The following HS1BP3 variants were observed in gnomAD, a reference collection of about 807,000 sequenced individuals.
The protein encoded by HS1BP3 is HCLS1-binding protein 3.
HS1BP3 carries 32 observed loss-of-function variants against 33.5 expected under a neutral mutation model. That is an observed-to-expected ratio of 0.95 (90% confidence interval 0.72 to 1.28). The LOEUF is 1.28. HS1BP3 is among the 50% of genes most tolerant of loss of function. HS1BP3 has a pLI of 0.00. For synonymous variants in HS1BP3, 187 were observed against 209.2 expected (o/e 0.89, Z 0.92); for missense variants, 486 against 502.3 (o/e 0.97, Z 0.31).
At position 20,618,747 on chromosome 2, in the gene HS1BP3, A is replaced by C; in HGVS notation, c.*240T>G. ...TCCCTCCCCTTCATGTCCACGGGGAATAAGACACATTGGGCTCTGGCTCCT... is the reference window on the plus strand; with the variant it reads ...TCCCTCCCCTTCATGTCCACGGGGACTAAGACACATTGGGCTCTGGCTCCT... On this transcript the variant is annotated 3_prime_UTR_variant, in exon 7 of 7. Transcript: ENST00000304031. 4 of 1,332,168 alleles carry C rather than the reference A, an allele frequency of 3.0e-6. No individual in the cohort carries two copies. Among genetic ancestry groups the C allele is most frequent in the Admixed American group, 3.6e-5 (1 of 27,664 alleles). 82.5% of individuals were successfully genotyped at this position (1,332,168 alleles called of 1,614,324 possible). A position where few individuals can be genotyped will look rare whatever the true frequency, so the allele number is the denominator to read the frequency against.
rs140890941 is a variant in HS1BP3, at chr2:20,575,025, G to A, written c.303-14510C>T. On this transcript the variant is annotated intron_variant, in intron 5 of 5. Transcript: ENST00000446825. ...CACAGGAGTGGTTGTTATTACTGGC[G>A]TAAAAAGAACCATTTCCTAGCTCAT... Among the ~76,000 whole-genome samples, 587 of 152,310 alleles carry A rather than the reference G, an allele frequency of 3.9e-3. 3 individuals are homozygous for A. Among genetic ancestry groups the A allele is most frequent in the Middle Eastern group, 0.017 (5 of 294 alleles).
At chr2:20,598,495 T>G (rs1278455190) in intron 2 of HS1BP3, among the ~76,000 whole-genome samples, 1 of 150,762 alleles carries the variant, frequency 6.6e-6, no homozygotes, top group Admixed American at 6.6e-5. Context: ...CTGCTCACCT[T>G]CTGCTGTGCA....
chr2:20,596,647 G>T (rs1693949173), intron 3 of HS1BP3, among the ~76,000 whole-genome samples: 1 of 152,194 alleles, frequency 6.6e-6, no homozygotes, highest in African/African-American at 2.4e-5. Context: ...ATAGCAGCTT[G>T]AAAGGACTAA....
At position 20,648,083 on chromosome 2, in the gene HS1BP3, G is replaced by A. The variant is rs945953323; in HGVS notation, c.33-2578C>T. ...AACCTTCTACCAGGGCAGCGGCTCCGAGGCCCTCCCACCTACTGAAGGACA... is the reference window on the plus strand; with the variant it reads ...AACCTTCTACCAGGGCAGCGGCTCCAAGGCCCTCCCACCTACTGAAGGACA... On this transcript the variant is annotated intron_variant, in intron 1 of 6. Transcript: ENST00000304031. 3.3e-5 allele frequency among the ~76,000 whole-genome samples: 5 copies of A among 152,128 alleles called. No homozygotes were observed. In the South Asian group the frequency reaches 6.2e-4, roughly 19 times the overall value.
At chr2:20,559,528 G>A (rs1572281471), downstream of HS1BP3, among the ~76,000 whole-genome samples, 1 of 152,096 alleles carries the variant, frequency 6.6e-6, no homozygotes, top group Admixed American at 6.5e-5. Flanking sequence ...ATGGGTGGAT[G>A]GATGGATGCA....
intron 5 of HS1BP3, among the ~76,000 whole-genome samples, chr2:20,576,612 T>C (rs7558497): frequency 2.6e-5 from 4 of 152,322 alleles, no homozygotes; most frequent in African/African-American, 9.6e-5. Context: ...CATTGTACTG[T>C]AAAGTGCCTG....
At chr2:20,561,662 C>T (rs778339512) in intron 5 of HS1BP3, among the ~76,000 whole-genome samples, 2 of 152,170 alleles carry the variant, frequency 1.3e-5, no homozygotes, top group African/African-American at 2.4e-5. Flanking sequence ...TCTGCCCCTC[C>T]GTCTCAAAAT....
intron 4 of HS1BP3, chr2:20,637,445 G>A (rs1394617911): frequency 6.6e-6 from 1 of 152,324 alleles, no homozygotes; most frequent in Admixed American, 6.5e-5. Flanking sequence ...GGAGGGCCAG[G>A]AGGAGCGACT....
chr2:20,632,100 C>T (rs867767862), intron 4 of HS1BP3, among the ~76,000 whole-genome samples: 57 of 152,338 alleles, frequency 3.7e-4, no homozygotes, highest in African/African-American at 1.3e-3. Flanking sequence ...AAGGATGCCC[C>T]ACTTCTCATT....
chr2:20,627,412 AG>A (rs1694821746), intron 4 of HS1BP3, among the ~76,000 whole-genome samples: 1 of 152,230 alleles, frequency 6.6e-6, no homozygotes, highest in Non-Finnish European at 1.5e-5. Flanking sequence ...GGGCGCAGAG[AG>A]GGAAGCGAGC....
intron 1 of HS1BP3, among the ~76,000 whole-genome samples, chr2:20,648,799 A>C (rs940885243): frequency 4.0e-5 from 6 of 151,408 alleles, no homozygotes; most frequent in African/African-American, 1.2e-4. Context: ...GCTTCTCAAA[A>C]CTCACCTGTC....
chr2:20,576,931 T>A (rs923650830), intron 5 of HS1BP3, among the ~76,000 whole-genome samples: 4 of 152,220 alleles, frequency 2.6e-5, no homozygotes, highest in African/African-American at 4.8e-5. Context: ...GGCAAACAAA[T>A]GATGGGGAAC....
At chr2:20,648,087 C>T (rs1265707190) in intron 1 of HS1BP3, among the ~76,000 whole-genome samples, 1 of 152,186 alleles carries the variant, frequency 6.6e-6, no homozygotes, top group African/African-American at 2.4e-5. Flanking sequence ...GGCTCCGAGG[C>T]CCTCCCACCT....
intron 5 of HS1BP3, 66 bp downstream of exon 5, chr2:20,624,666 A>C (rs1327465381): frequency 6.1e-6 from 9 of 1,478,348 alleles, no homozygotes; most frequent in African/African-American, 1.4e-5. Context: ...GTGAGTCCAG[A>C]CCCTGCCTGG....
chr2:20,606,552 A>C, intron 2 of HS1BP3: 1 of 486,364 alleles, frequency 2.1e-6, no homozygotes. Flanking sequence ...TCTTTGGAGC[A>C]CTTCTTCTTT....
At position 20,638,693 on chromosome 2, in the gene HS1BP3, C is replaced by T. The variant is rs752535030; in HGVS notation, c.407-41G>A. 4.6e-6 allele frequency: 7 copies of T among 1,526,770 alleles called. No individual in the cohort carries two copies. In the Admixed American group the frequency reaches 1.2e-4, roughly 26 times the overall value. 94.6% of individuals were successfully genotyped at this position (1,526,770 alleles called of 1,614,324 possible). A position where few individuals can be genotyped will look rare whatever the true frequency, so the allele number is the denominator to read the frequency against. On this transcript the variant is annotated intron_variant, in intron 3 of 6. Transcript: ENST00000304031. ...GAAAAGAATGGACTTGGTAACCACC[C>T]CAGAGCCAGGGGAGGCATCTTGCCA...
chr2:20,602,489 T>G (rs16987884), intron 2 of HS1BP3, among the ~76,000 whole-genome samples: 14,928 of 152,090 alleles, frequency 0.098, 1,533 homozygotes, highest in African/African-American at 0.26. Context: ...CATCAAATTA[T>G]TTTTGGAATA....
At chr2:20,558,834 C>T (rs58153547), downstream of HS1BP3, among the ~76,000 whole-genome samples, 6,090 of 152,224 alleles carry the variant, frequency 0.04, 279 homozygotes, top group African/African-American at 0.11. Context: ...CCCATGACCA[C>T]AGAGGGGGTA....
intron 4 of HS1BP3, among the ~76,000 whole-genome samples, chr2:20,629,972 C>T (rs1297816794): frequency 6.6e-6 from 1 of 152,222 alleles, no homozygotes; most frequent in Non-Finnish European, 1.5e-5. Context: ...GCACCATTCC[C>T]AGATGTGCCC....
Sources: gnomAD v4.1 joint callset for allele counts (sites outside exome capture counted in the v4.1 genomes callset) on GRCh38, gnomAD v4.1.1 for gene constraint, MANE v1.5 for transcripts, NCBI Gene and HGNC (gene_info 2026-07-23, HGNC 2026-07-21) for gene names.